Variants in NFU1 observed in about 807,000 individuals in gnomAD.
The protein encoded by NFU1 is NFU1 iron-sulfur cluster scaffold homolog, mitochondrial.
Under a neutral mutation model 32.2 loss-of-function variants are expected in NFU1, and 30 were observed. The observed-to-expected ratio is 0.93, with a 90% CI of 0.70 to 1.26. NFU1 has a LOEUF of 1.26. Among genes scored for constraint, NFU1 ranks in the 50% most tolerant of loss-of-function variants. NFU1 has a pLI of 0.00. For missense variants in NFU1, 306 were observed against 306.6 expected (o/e 1.00, Z 0.02); for synonymous variants, 112 against 104.6 (o/e 1.07, Z -0.43).
At chr2:69,424,170 CAAAAAAAA>C (rs57078704) in intron 2 of NFU1, among the ~76,000 whole-genome samples, 201 of 42,866 alleles carry the variant, frequency 4.7e-3, no homozygotes, top group Non-Finnish European at 6.6e-3. Context: ...GACTCTGTCT[CAAAAAAAA>C]AAAAAAAAAA....
intron 6 of NFU1, 33 bp downstream of exon 6, chr2:69,405,989 C>G (rs766328390): frequency 1.4e-6 from 2 of 1,387,762 alleles, no homozygotes; most frequent in South Asian, 2.3e-5. Flanking sequence ...GCCTCCAAAG[C>G]ACTTGAATTC....
chr2:69,420,993 C>CA (rs377278692), intron 3 of NFU1, among the ~76,000 whole-genome samples: 316 of 152,240 alleles, frequency 2.1e-3, no homozygotes, highest in African/African-American at 7.2e-3. Context: ...CACTTGAGCT[C>CA]AGGAGTCTGA....
chr2:69,437,245 C>T, intron 1 of NFU1, 116 bp downstream of exon 1: 1 of 1,497,624 alleles, frequency 6.7e-7, no homozygotes, highest in Non-Finnish European at 8.9e-7. Flanking sequence ...GGCGGACCCG[C>T]CGGCTCCATC....
chr2:69,437,219 C>G (rs1673873633), intron 1 of NFU1, 142 bp downstream of exon 1: 1 of 1,468,170 alleles, frequency 6.8e-7, no homozygotes, highest in African/African-American at 1.4e-5. Flanking sequence ...GGGCTCACCC[C>G]CAACTACGGC....
chr2:69,408,774 A>G (rs1672786160), intron 5 of NFU1, among the ~76,000 whole-genome samples: 1 of 145,274 alleles, frequency 6.9e-6, no homozygotes, highest in South Asian at 2.2e-4. Context: ...ATATATACAC[A>G]CACACATACA....
chr2:69,397,804 C>A (rs1672388924), intron 7 of NFU1, among the ~76,000 whole-genome samples: 1 of 151,662 alleles, frequency 6.6e-6, no homozygotes, highest in South Asian at 2.1e-4. Flanking sequence ...ATCCCAGCTA[C>A]CTGGGAAGCT....
At chr2:69,429,936 G>A in intron 2 of NFU1, 1 of 282,564 alleles carries the variant, frequency 3.5e-6, no homozygotes, top group South Asian at 2.9e-5. Flanking sequence ...GACTGAGGTG[G>A]GAGGATGGCT....
chr2:69,423,209 G>GT lies in NFU1; in HGVS notation c.302+372_302+373insA, dbSNP rs201047491. Among the ~76,000 whole-genome samples the GT allele has an allele frequency of 8.4e-3, 398 of 47,638 alleles. 31 individuals are homozygous for GT. Among genetic ancestry groups the GT allele is most frequent in the Non-Finnish European group, 0.011 (259 of 24,068 alleles). 31.3% of individuals were successfully genotyped at this position (47,638 alleles called of 152,430 possible). On this transcript the variant is annotated intron_variant, in intron 3 of 7. Coordinates refer to ENST00000410022, the MANE Select transcript of NFU1 (RefSeq NM_001002755.4). ...GGTGAGATGGGCTGTGTGTGTGTGT[G>GT]GGGGGGGGCGGGTAGAGATGGGCTC...
In NFU1 at chr2:69,396,222, T is replaced by C; in HGVS notation, c.*24A>G. 3.1e-6 allele frequency: 5 copies of C among 1,599,426 alleles called. No homozygotes were observed. The highest frequency in any genetic ancestry group is 4.3e-6 in the Non-Finnish European group (5 of 1,167,444). ...ATATTATCAACAAGTCTGACTGTTA[T>C]GCCCAAAGAAAATCCAGATTATTTT... On this transcript the variant is annotated 3_prime_UTR_variant, in exon 8 of 8. Transcript: ENST00000410022.
rs763705011 is a variant in NFU1, at chr2:69,421,562, C to CTTTT, written c.303-1962_303-1959dup. On this transcript the variant is annotated intron_variant, in intron 3 of 7. Coordinates refer to ENST00000410022, the MANE Select transcript of NFU1 (RefSeq NM_001002755.4). ...CATCCCAACAATTTTATCATTTGTG[C>CTTTT]TTTTTTTTTTTTTTTTTTTTTTTTT... Among the ~76,000 whole-genome samples, 160 of 70,760 alleles carry CTTTT rather than the reference C, an allele frequency of 2.3e-3. 3 individuals carry two copies. The highest frequency in any genetic ancestry group is 4.4e-3 in the East Asian group (9 of 2,046). The allele number at this position is 70,760 out of a possible 152,430, so 46.4% of individuals were successfully genotyped here.
intron 2 of NFU1, among the ~76,000 whole-genome samples, chr2:69,426,952 C>A (rs1227041775): frequency 1.3e-5 from 2 of 150,244 alleles, no homozygotes; most frequent in African/African-American, 4.9e-5. Context: ...GCCTGTAATC[C>A]CAGCTACTCA....
chr2:69,423,002 G>A (rs762437858), intron 3 of NFU1, among the ~76,000 whole-genome samples: 3 of 151,396 alleles, frequency 2.0e-5, no homozygotes, highest in Non-Finnish European at 4.4e-5. Context: ...TTTGAGACAG[G>A]GTCTCACTCT....
intron 2 of NFU1, among the ~76,000 whole-genome samples, chr2:69,425,556 T>C (rs778666286): frequency 6.6e-6 from 1 of 152,014 alleles, no homozygotes; most frequent in Non-Finnish European, 1.5e-5. Flanking sequence ...GGTTTCACCA[T>C]GTTGGCCCAG....
chr2:69,416,841 T>C (rs1574131943), intron 4 of NFU1, among the ~76,000 whole-genome samples: 1 of 152,138 alleles, frequency 6.6e-6, no homozygotes, highest in Non-Finnish European at 1.5e-5. Context: ...GAGGTTGCAG[T>C]GAGCCGAGAT....
At chr2:69,437,173 C>T (rs1177446412) in intron 1 of NFU1, 188 bp downstream of exon 1, 1 of 1,319,276 alleles carries the variant, frequency 7.6e-7, no homozygotes, top group African/African-American at 1.5e-5. Context: ...CCGGATTAGG[C>T]CACAGAAGCG....
At chr2:69,397,607 GT>G (rs892777740) in intron 7 of NFU1, among the ~76,000 whole-genome samples, 51 of 90,310 alleles carry the variant, frequency 5.6e-4, no homozygotes, top group African/African-American at 2.7e-3. Context: ...ACAAAGTAAG[GT>G]TTTTTTTTTT....
chr2:69,416,551 G>T (rs1673062211), intron 4 of NFU1, among the ~76,000 whole-genome samples: 1 of 151,828 alleles, frequency 6.6e-6, no homozygotes, highest in African/African-American at 2.4e-5. Context: ...CAAGTATACG[G>T]AACAGCCTAC....
At chr2:69,426,296 C>T (rs1673452088) in intron 2 of NFU1, among the ~76,000 whole-genome samples, 1 of 150,220 alleles carries the variant, frequency 6.7e-6, no homozygotes, top group African/African-American at 2.4e-5. Context: ...ACAGACTCTT[C>T]TTTTTTTGAG....
chr2:69,437,445 T>A, upstream of NFU1: 1 of 1,608,282 alleles, frequency 6.2e-7, no homozygotes, highest in Non-Finnish European at 8.5e-7. Flanking sequence ...TGCCTAAGGG[T>A]CTCCCTGACA....
Sources: gnomAD v4.1 joint callset for allele counts (sites outside exome capture counted in the v4.1 genomes callset) on GRCh38, gnomAD v4.1.1 for gene constraint, MANE v1.5 for transcripts, NCBI Gene and HGNC (gene_info 2026-07-23, HGNC 2026-07-21) for gene names.